EXOSC9: variants seen among roughly 807,000 people sequenced by gnomAD.
The protein encoded by EXOSC9 is exosome complex component RRP45.
A neutral mutation model predicts 56.5 loss-of-function variants in EXOSC9; 38 were observed. That is an observed-to-expected ratio of 0.67 (90% CI 0.52 to 0.88). The LOEUF (loss-of-function observed/expected upper bound fraction) is 0.88, where lower values mean the gene tolerates loss of function less well. Among genes scored for constraint, EXOSC9 ranks in the 40% least tolerant of loss-of-function variants. EXOSC9 has a pLI of 0.00. For missense variants in EXOSC9, 559 were observed against 530.5 expected, an observed-to-expected ratio of 1.05 and a Z score of -0.53; for synonymous variants, 170 against 170.8, an observed-to-expected ratio of 0.99 and a Z score of 0.04.
Position 121,807,558 on chromosome 4 carries a change from G to C in EXOSC9, c.541G>C (p.Asp181His). 6.2e-7 allele frequency: 1 copy of C among 1,611,464 alleles called. No homozygotes were observed. Among genetic ancestry groups the C allele is most frequent in the Non-Finnish European group, 8.5e-7 (1 of 1,177,666 alleles). ...EVTLYTPEER[D>H]PVPLSIHHMP... ...GAAACAGTATACACCTGAAGAGCGT[G>C]ATCCTGTACCATTAAGTATCCACCA... is the stretch of plus-strand genomic sequence containing the variant. Residue 181 changes from aspartate (D) to histidine (H), a missense_variant, in exon 6 of 12, where the codon GAT becomes CAT. Asp to His is a moderately conservative substitution (Grantham distance 81). Coordinates refer to ENST00000243498, the MANE Select transcript of EXOSC9 (RefSeq NM_005033.3).
At chr4:121,804,236 A>G (rs1726955250) in intron 4 of EXOSC9, among the ~76,000 whole-genome samples, 1 of 149,692 alleles carries the variant, frequency 6.7e-6, no homozygotes, top group African/African-American at 2.5e-5. Context: ...CTGGTCTCGA[A>G]CTCCTAGGCT....
At chr4:121,803,231 C>G (rs375486103) in intron 4 of EXOSC9, among the ~76,000 whole-genome samples, 12 of 152,080 alleles carry the variant, frequency 7.9e-5, no homozygotes, top group African/African-American at 2.9e-4. Flanking sequence ...CACCCTTTTT[C>G]TTAAAGGTTT....
At chr4:121,813,145 A>G (rs1456525913) in intron 8 of EXOSC9, 89 bp from the exon 9 acceptor site, 5 of 1,240,002 alleles carry the variant, frequency 4.0e-6, no homozygotes, top group East Asian at 2.4e-5. Context: ...ACCAAAGGAT[A>G]AAATAATAGT....
chr4:121,804,657 T>A lies in EXOSC9; in HGVS notation c.420T>A (p.Asn140Lys). 6.2e-7 allele frequency: 1 copy of A among 1,606,370 alleles called. No homozygotes were observed. The highest frequency in any genetic ancestry group is 8.5e-7 in the Non-Finnish European group (1 of 1,173,372). ...TACGTGTAGACCTACATTTATTAAA[T>A]CATGATGGAAATATTATTGATGCTG... is the stretch of plus-strand genomic sequence containing the variant. ...WQIRVDLHLLNHDGNIIDAAS... is the reference protein window; with the variant it reads ...WQIRVDLHLLKHDGNIIDAAS... Residue 140 changes from asparagine (N) to lysine (K), a missense_variant, in exon 5 of 12, where the codon AAT (asparagine) becomes AAA (lysine). Physicochemically the swap from Asn to Lys is moderately conservative, Grantham distance 94 (BLOSUM62 0). Coordinates refer to ENST00000243498, the MANE Select transcript of EXOSC9 (RefSeq NM_005033.3).
Position 121,801,346 on chromosome 4 carries a change from G to T in EXOSC9, c.-79G>T. The T allele has an allele frequency of 1.4e-6, 2 of 1,394,248 alleles. No homozygotes were observed. The highest frequency in any genetic ancestry group is 2.3e-5 in the South Asian group (2 of 86,538). The allele number at this position is 1,394,248 out of a possible 1,614,324, so 86.4% of individuals were successfully genotyped here. ...ACGTAATTTTCCTGCGCCTCGGGGC[G>T]AGCAGCGGCGCGCAAGGAAAGATCG... On this transcript the variant is annotated 5_prime_UTR_variant, in exon 1 of 12. Transcript: ENST00000243498.
At chr4:121,813,032 C>T (rs1419622071) in intron 8 of EXOSC9, among the ~76,000 whole-genome samples, 1 of 152,070 alleles carries the variant, frequency 6.6e-6, no homozygotes, top group Non-Finnish European at 1.5e-5. Flanking sequence ...TGGTCTGGCA[C>T]GTGGTTTAAT....
chr4:121,802,775 C>A lies in EXOSC9; in HGVS notation c.263C>A (p.Pro88Gln). Residue 88 changes from proline (P) to glutamine (Q), a missense_variant, in exon 3 of 12, where the codon CCA becomes CAA. Physicochemically the swap from Pro to Gln is moderately conservative, Grantham distance 76 (BLOSUM62 -1). Coordinates refer to ENST00000243498, the MANE Select transcript of EXOSC9 (RefSeq NM_005033.3). Reference protein sequence around the residue: ...FNLELSQMAAPAFEPGRQSDL... With the variant: ...FNLELSQMAAQAFEPGRQSDL... ...CTTGAACTCTCTCAGATGGCCGCTC[C>A]AGCTTTCGAACCTGGCAGGTATTTA... The A allele has an allele frequency of 6.2e-7, 1 of 1,614,094 alleles. No homozygotes were observed. The highest frequency in any genetic ancestry group is 1.3e-5 in the African/African-American group (1 of 75,040).
intron 5 of EXOSC9, among the ~76,000 whole-genome samples, chr4:121,807,019 G>A (rs547010485): frequency 2.1e-4 from 32 of 152,306 alleles, no homozygotes; most frequent in African/African-American, 7.0e-4. Flanking sequence ...TTGGCTGGGC[G>A]TGGTGGCTCA....
intron 10 of EXOSC9, chr4:121,815,565 G>A (rs980965459): frequency 5.7e-5 from 56 of 985,228 alleles, no homozygotes; most frequent in Non-Finnish European, 6.5e-5. Context: ...AATACATGGA[G>A]CAGTTCTCAA....
chr4:121,801,971 A>G lies in EXOSC9; in HGVS notation c.161+50A>G, dbSNP rs1462509994. The G allele has an allele frequency of 4.7e-6, 6 of 1,282,498 alleles. No individual in the cohort carries two copies. In the East Asian group the frequency reaches 1.2e-4, roughly 25 times the overall value. 79.4% of individuals were successfully genotyped at this position (1,282,498 alleles called of 1,614,324 possible). A position where few individuals can be genotyped will look rare whatever the true frequency, so the allele number is the denominator to read the frequency against. On this transcript the variant is annotated intron_variant, in intron 2 of 11. Transcript: ENST00000243498. Reference sequence around the variant, plus strand: ...CATTCGGAAGGGAGAAGTTTGAAAAAAGACCTTATTGACTTGGTTGTTTAT... The same window carrying G: ...CATTCGGAAGGGAGAAGTTTGAAAAGAGACCTTATTGACTTGGTTGTTTAT...
intron 9 of EXOSC9, chr4:121,813,614 A>G (rs778594530): frequency 2.4e-4 from 129 of 538,866 alleles, no homozygotes; most frequent in Non-Finnish European, 3.5e-4. Context: ...AATTTAATTT[A>G]GTACTATAAC....
intron 8 of EXOSC9, among the ~76,000 whole-genome samples, chr4:121,812,941 T>G (rs1724295871): frequency 6.6e-6 from 1 of 152,224 alleles, no homozygotes; most frequent in South Asian, 2.1e-4. Context: ...CAGTGTCCTC[T>G]TCTATAATAT....
At chr4:121,807,695 A>G in intron 6 of EXOSC9, 73 bp downstream of exon 6, 1 of 895,994 alleles carries the variant, frequency 1.1e-6, no homozygotes, top group Non-Finnish European at 1.9e-6. Flanking sequence ...CAAGTATGTC[A>G]TGTTAATATT....
chr4:121,807,881 G>T, intron 6 of EXOSC9: 1 of 513,902 alleles, frequency 1.9e-6, no homozygotes. Context: ...ATTTACTATG[G>T]CATGGTAGTG....
At chr4:121,812,745 C>T (rs745651984) in intron 8 of EXOSC9, among the ~76,000 whole-genome samples, 45 of 152,120 alleles carry the variant, frequency 3.0e-4, no homozygotes, top group Non-Finnish European at 5.7e-4. Context: ...CCCGCCTGGG[C>T]CTCCCAAAAT....
At chr4:121,803,773 A>G (rs996386502) in intron 4 of EXOSC9, among the ~76,000 whole-genome samples, 1 of 152,080 alleles carries the variant, frequency 6.6e-6, no homozygotes, top group East Asian at 1.9e-4. Flanking sequence ...ACCTCAAGTG[A>G]TTCACCTGCC....
intron 8 of EXOSC9, among the ~76,000 whole-genome samples, chr4:121,812,555 A>G (rs1038910541): frequency 1.5e-4 from 23 of 152,306 alleles, no homozygotes; most frequent in Admixed American, 5.2e-4. Context: ...CATTTGTGCA[A>G]TCTCAGCTCA....
intron 10 of EXOSC9, 174 bp from the exon 11 acceptor site, chr4:121,816,195 G>T (rs771377470): frequency 3.1e-6 from 2 of 641,590 alleles, no homozygotes; most frequent in Non-Finnish European, 5.6e-6. Context: ...CTGACCTCAG[G>T]TAATCCACCT....
At chr4:121,815,959 C>G in intron 10 of EXOSC9, 1 of 1,236,762 alleles carries the variant, frequency 8.1e-7, no homozygotes, top group Non-Finnish European at 1.0e-6. Flanking sequence ...AAGATTAAGC[C>G]TCCACCTAGA....
Sources: gnomAD v4.1 joint callset for allele counts (sites outside exome capture counted in the v4.1 genomes callset) on GRCh38, gnomAD v4.1.1 for gene constraint, MANE v1.5 for transcripts, NCBI Gene and HGNC (gene_info 2026-07-23, HGNC 2026-07-21) for gene names.